The following MGAM2 variants were observed in gnomAD, a reference collection of about 807,000 sequenced individuals.
MGAM2 encodes the protein probable maltase-glucoamylase 2.
A neutral mutation model predicts 96.1 loss-of-function variants in MGAM2; 98 were observed. That is an observed-to-expected ratio of 1.02 (90% confidence interval 0.87 to 1.21). The LOEUF (loss-of-function observed/expected upper bound fraction) is 1.21, where lower values mean the gene tolerates loss of function less well. Ranked by LOEUF, MGAM2 falls within the 50% of genes most tolerant of loss-of-function variation. The pLI is 0.00. For missense variants in MGAM2, 2,055 were observed against 1,182.4 expected (o/e 1.74, Z -10.82); for synonymous variants, 749 against 414.8 (o/e 1.81, Z -9.79).
intron 10 of MGAM2, among the ~76,000 whole-genome samples, chr7:142,140,041 A>G (rs1010241978): frequency 2.3e-4 from 35 of 152,172 alleles, no homozygotes; most frequent in African/African-American, 8.0e-4. Flanking sequence ...ATTTTCCTTC[A>G]GGCCTGTAAG....
At chr7:142,158,175 T>C in intron 18 of MGAM2, 73 bp from the exon 19 acceptor site, 1 of 700,648 alleles carries the variant, frequency 1.4e-6, no homozygotes, top group East Asian at 2.7e-5. Flanking sequence ...AGTTAGGATC[T>C]TGTTGTTACA....
intron 32 of MGAM2, among the ~76,000 whole-genome samples, chr7:142,178,505 T>G (rs1373410652): frequency 3.9e-5 from 6 of 152,188 alleles, no homozygotes; most frequent in Non-Finnish European, 7.4e-5. Flanking sequence ...TTTAAGTCTT[T>G]AATCTATCTT....
intron 1 of MGAM2, among the ~76,000 whole-genome samples, chr7:142,113,902 C>A (rs1041573421): frequency 7.2e-5 from 11 of 151,936 alleles, no homozygotes; most frequent in South Asian, 2.1e-4. Context: ...GAGGCCAAGG[C>A]GGGCGGATCA....
At chr7:142,156,111 C>T (rs1301461719) in intron 17 of MGAM2, among the ~76,000 whole-genome samples, 3 of 151,668 alleles carry the variant, frequency 2.0e-5, no homozygotes, top group African/African-American at 7.3e-5. Context: ...CGCCATTGCA[C>T]TTCAGCCTGG....
Position 142,145,781 on chromosome 7 carries a change from C to T in MGAM2, c.1516+836C>T, listed in dbSNP as rs890415968. The stretch of plus-strand genomic sequence containing the variant: ...GAGAGAGGGTGGAGAAGATTTTATG[C>T]GCAGGCCTAGAAGGAAGGTGTACCC... On this transcript the variant is annotated intron_variant, in intron 14 of 47. Transcript: ENST00000477922. 3.3e-5 allele frequency among the ~76,000 whole-genome samples: 5 copies of T among 152,100 alleles called. No homozygotes were observed. In the East Asian group the frequency reaches 5.8e-4, roughly 18 times the overall value.
intron 45 of MGAM2, among the ~76,000 whole-genome samples, chr7:142,205,294 C>T (rs1177723189): frequency 2.0e-5 from 3 of 152,092 alleles, no homozygotes; most frequent in African/African-American, 7.2e-5. Flanking sequence ...AATAGACACA[C>T]TTTTAAAAAC....
chr7:142,219,380 A>G (rs1797855128), intron 47 of MGAM2, among the ~76,000 whole-genome samples: 1 of 152,172 alleles, frequency 6.6e-6, no homozygotes, highest in Non-Finnish European at 1.5e-5. Flanking sequence ...TACCTGGACT[A>G]TTGAGTTCAA....
chr7:142,169,433 A>C (rs1796127549), intron 26 of MGAM2, among the ~76,000 whole-genome samples: 1 of 151,836 alleles, frequency 6.6e-6, no homozygotes, highest in Non-Finnish European at 1.5e-5. Context: ...AATAAAAATA[A>C]AAAAAAAGAA....
intron 1 of MGAM2, among the ~76,000 whole-genome samples, chr7:142,116,434 A>G (rs1817404612): frequency 6.6e-6 from 1 of 152,170 alleles, no homozygotes; most frequent in South Asian, 2.1e-4. Context: ...GGGCAGTTGA[A>G]AGAAGAAGAC....
intron 33 of MGAM2, among the ~76,000 whole-genome samples, chr7:142,184,236 G>A (rs949349809): frequency 5.3e-5 from 8 of 152,134 alleles, no homozygotes; most frequent in Admixed American, 5.2e-4. Flanking sequence ...GCCTCCCAAA[G>A]CGCTGGGATT....
chr7:142,113,566 A>G (rs1360092102), intron 1 of MGAM2, among the ~76,000 whole-genome samples: 3 of 152,130 alleles, frequency 2.0e-5, no homozygotes, highest in Non-Finnish European at 4.4e-5. Context: ...CAAGTTATTA[A>G]TTATTTGAAG....
In MGAM2 at chr7:142,175,587, C is replaced by T. The variant is rs886989341; in HGVS notation, c.3688-65C>T. 21 of 679,062 alleles carry T rather than the reference C, an allele frequency of 3.1e-5. No individual in the cohort carries two copies. In the African/African-American group the frequency reaches 3.7e-4, roughly 12 times the overall value. 42.1% of individuals were successfully genotyped at this position (679,062 alleles called of 1,614,324 possible). ...CAGCAGGACCAGGGGCCTGGCAGAG[C>T]AGTTAATGTGCCCTGCAGGGCACCT... On this transcript the variant is annotated intron_variant, in intron 31 of 47. Transcript: ENST00000477922.
At chr7:142,208,418 G>A in intron 45 of MGAM2, 155 bp from the exon 46 acceptor site, 1 of 655,734 alleles carries the variant, frequency 1.5e-6, no homozygotes, top group East Asian at 2.8e-5. Context: ...CAGTGAAATA[G>A]TCTCTTAGCC....
chr7:142,149,633 T>C (rs34044854), intron 15 of MGAM2, among the ~76,000 whole-genome samples: 36,513 of 150,758 alleles, frequency 0.24, 4,613 homozygotes, highest in Admixed American at 0.29. Context: ...CTCCGCCTCC[T>C]GGGTTCACGC....
chr7:142,168,724 A>G (rs1449945930), intron 26 of MGAM2, among the ~76,000 whole-genome samples: 1 of 152,174 alleles, frequency 6.6e-6, no homozygotes, highest in Non-Finnish European at 1.5e-5. Flanking sequence ...GCATTTTTAA[A>G]TGTATATTTT....
Position 142,161,111 on chromosome 7 carries a change from G to A in MGAM2, c.2346-14G>A. The A allele has an allele frequency of 1.4e-6, 1 of 702,074 alleles. No homozygotes were observed. Among genetic ancestry groups the A allele is most frequent in the South Asian group, 1.5e-5 (1 of 67,544 alleles). 43.5% of individuals were successfully genotyped at this position (702,074 alleles called of 1,614,324 possible). On this transcript the variant is annotated splice_polypyrimidine_tract_variant and intron_variant, in intron 21 of 47. Coordinates refer to ENST00000477922, the MANE Select transcript of MGAM2 (RefSeq NM_001293626.2). ...CATCTACATTCTCTGAAACTGGGAA[G>A]TACTCTTTTACAGCCGGAGGAATTC...
chr7:142,136,671 A>T (rs764666695), intron 8 of MGAM2, 31 bp downstream of exon 8: 22 of 673,066 alleles, frequency 3.3e-5, no homozygotes, highest in Non-Finnish European at 5.6e-5. Context: ...TTCTGTAGGT[A>T]GGAATACGTT....
chr7:142,157,114 C>T (rs1055063454), intron 17 of MGAM2, among the ~76,000 whole-genome samples: 2 of 151,632 alleles, frequency 1.3e-5, no homozygotes, highest in Non-Finnish European at 2.9e-5. Flanking sequence ...TAAAACTGGA[C>T]AAAAAATGTT....
intron 32 of MGAM2, among the ~76,000 whole-genome samples, chr7:142,181,445 T>C (rs4503023): frequency 0.19 from 28,762 of 152,208 alleles, 3,001 homozygotes; most frequent in East Asian, 0.34. Flanking sequence ...TAGCCTCTTA[T>C]TCAGCTGCAG....
Sources: allele counts gnomAD v4.1 joint callset (sites outside exome capture counted in the v4.1 genomes callset), GRCh38; gene constraint gnomAD v4.1.1; transcripts MANE v1.5; gene names NCBI Gene and HGNC (gene_info 2026-07-23, HGNC 2026-07-21).